The following BNC2 variants were observed in gnomAD, a reference collection of about 807,000 sequenced individuals.
BNC2 encodes basonuclin zinc finger protein 2.
A neutral mutation model predicts 76.3 loss-of-function variants in BNC2; 20 were observed. The observed-to-expected ratio is 0.26, with a 90% CI of 0.18 to 0.38. The LOEUF is 0.38. Ranked by LOEUF, BNC2 falls within the 10% of genes least tolerant of loss-of-function variation. BNC2 has a pLI of 1.00. For missense variants in BNC2, 1,382 were observed against 1,399.8 expected, an observed-to-expected ratio of 0.99 and a Z score of 0.20; for synonymous variants, 582 against 514.8, an observed-to-expected ratio of 1.13 and a Z score of -1.77.
Position 16,417,590 on chromosome 9 carries a change from C to T in BNC2, c.*1399G>A, listed in dbSNP as rs976111888. The T allele has an allele frequency of 2.0e-5, 3 of 152,302 alleles. No individual in the cohort carries two copies. Among genetic ancestry groups the T allele is most frequent in the Non-Finnish European group, 2.9e-5 (2 of 68,042 alleles). The allele number at this position is 152,302 out of a possible 1,614,324, so 9.4% of individuals were successfully genotyped here. ...TACCAAACAGGCCTGAATTATAGTA[C>T]GACTGCAGAATTTGCAACAAATTAG... On this transcript the variant is annotated 3_prime_UTR_variant, in exon 7 of 7. Coordinates refer to ENST00000380672, the MANE Select transcript of BNC2 (RefSeq NM_017637.6).
chr9:16,603,116 G>C (rs991604252), intron 3 of BNC2, among the ~76,000 whole-genome samples: 3 of 152,160 alleles, frequency 2.0e-5, no homozygotes, highest in Non-Finnish European at 2.9e-5. Context: ...TGTCAAACCA[G>C]TAATAGATTA....
intron 3 of BNC2, among the ~76,000 whole-genome samples, chr9:16,652,440 T>C (rs951752178): frequency 6.9e-6 from 1 of 144,592 alleles, no homozygotes; most frequent in Non-Finnish European, 1.5e-5. Flanking sequence ...TAGAAAATAA[T>C]GGGGCTTTTC....
intron 1 of BNC2, among the ~76,000 whole-genome samples, chr9:16,820,958 G>A (rs575874001): frequency 7.2e-4 from 109 of 152,212 alleles, no homozygotes; most frequent in African/African-American, 2.6e-3. Flanking sequence ...ACTTTGGGAG[G>A]CCGAGGCAGG....
chr9:16,626,730 T>C (rs1277900736), intron 3 of BNC2, among the ~76,000 whole-genome samples: 1 of 152,024 alleles, frequency 6.6e-6, no homozygotes, highest in Non-Finnish European at 1.5e-5. Context: ...CTCCTTTTTT[T>C]CCTTCCGTAA....
intron 5 of BNC2, among the ~76,000 whole-genome samples, chr9:16,445,744 T>C (rs1306092065): frequency 6.6e-6 from 1 of 152,186 alleles, no homozygotes; most frequent in African/African-American, 2.4e-5. Context: ...TTGTTAACAT[T>C]GACCTATGTG....
chr9:16,512,022 CTTTTA>C, intron 5 of BNC2, among the ~76,000 whole-genome samples: 1 of 151,578 alleles, frequency 6.6e-6, no homozygotes, highest in African/African-American at 2.4e-5. Flanking sequence ...GTGAAACCTA[CTTTTA>C]TTTGTTTGAA....
chr9:16,740,494 G>A (rs1204198076), intron 1 of BNC2, among the ~76,000 whole-genome samples: 1 of 152,226 alleles, frequency 6.6e-6, no homozygotes. Context: ...TGTCATAAGA[G>A]TGAATGTCTT....
intron 5 of BNC2, among the ~76,000 whole-genome samples, chr9:16,449,354 C>A (rs1821292024): frequency 6.6e-6 from 1 of 152,182 alleles, no homozygotes; most frequent in South Asian, 2.1e-4. Flanking sequence ...CAGGCTTGCA[C>A]AAATCTTATT....
At chr9:16,863,265 G>T (rs1284994242) in intron 1 of BNC2, among the ~76,000 whole-genome samples, 1 of 152,194 alleles carries the variant, frequency 6.6e-6, no homozygotes, top group Non-Finnish European at 1.5e-5. Flanking sequence ...AAAGGCTGGG[G>T]CATAGCCCTA....
chr9:16,686,397 T>A (rs1366748023), intron 3 of BNC2, among the ~76,000 whole-genome samples: 1 of 152,224 alleles, frequency 6.6e-6, no homozygotes, highest in Non-Finnish European at 1.5e-5. Flanking sequence ...ATTTCAGATT[T>A]TTTTAAGATT....
At chr9:16,803,791 C>G (rs1817839274) in intron 1 of BNC2, among the ~76,000 whole-genome samples, 1 of 152,198 alleles carries the variant, frequency 6.6e-6, no homozygotes, top group Non-Finnish European at 1.5e-5. Context: ...TGCCCTGGCA[C>G]TCGAGTGGGC....
intron 6 of BNC2, chr9:16,434,862 G>C (rs1366347726): frequency 4.4e-6 from 2 of 458,740 alleles, no homozygotes; most frequent in South Asian, 1.5e-5. Flanking sequence ...ATAGTTTAGA[G>C]ATGTGCTCAA....
At chr9:16,476,422 T>A (rs1389880784) in intron 5 of BNC2, among the ~76,000 whole-genome samples, 1 of 152,106 alleles carries the variant, frequency 6.6e-6, no homozygotes, top group African/African-American at 2.4e-5. Flanking sequence ...CTTCTCCAAG[T>A]ATCTCACCCC....
chr9:16,441,164 T>C (rs1821121004), intron 5 of BNC2, among the ~76,000 whole-genome samples: 1 of 152,088 alleles, frequency 6.6e-6, no homozygotes, highest in Non-Finnish European at 1.5e-5. Context: ...ACTAGCCAAG[T>C]GTGGTGGTCC....
intron 3 of BNC2, among the ~76,000 whole-genome samples, chr9:16,584,885 A>G (rs544743653): frequency 7.2e-5 from 11 of 152,290 alleles, no homozygotes; most frequent in Middle Eastern, 3.4e-3. Context: ...TTATCTAATT[A>G]TAAATTCAGA....
intron 1 of BNC2, among the ~76,000 whole-genome samples, chr9:16,769,945 A>G (rs12353453): frequency 0.46 from 69,797 of 151,952 alleles, 21,532 homozygotes; most frequent in Non-Finnish European, 0.69. Flanking sequence ...TTACAGAGAA[A>G]TTTCCCAGGC....
intron 6 of BNC2, among the ~76,000 whole-genome samples, chr9:16,425,886 A>C (rs1431783960): frequency 1.3e-5 from 2 of 152,250 alleles, no homozygotes; most frequent in Non-Finnish European, 2.9e-5. Context: ...AGCTGGATGC[A>C]CAGGTTAAGT....
At chr9:16,593,124 T>C (rs1437522182) in intron 3 of BNC2, among the ~76,000 whole-genome samples, 1 of 151,490 alleles carries the variant, frequency 6.6e-6, no homozygotes, top group African/African-American at 2.4e-5. Context: ...AATTCTGTCA[T>C]GTATACCAGC....
chr9:16,671,532 T>C (rs181515805), intron 3 of BNC2, among the ~76,000 whole-genome samples: 11 of 152,296 alleles, frequency 7.2e-5, no homozygotes, highest in African/African-American at 2.4e-4. Context: ...AGGGGTTCTG[T>C]TTGACAGAAA....
Sources: gnomAD v4.1 joint callset for allele counts (sites outside exome capture counted in the v4.1 genomes callset) on GRCh38, gnomAD v4.1.1 for gene constraint, MANE v1.5 for transcripts, NCBI Gene and HGNC (gene_info 2026-07-23, HGNC 2026-07-21) for gene names.